The following CTBP1 variants were observed in gnomAD, a reference collection of about 807,000 sequenced individuals.
The protein encoded by CTBP1 is C-terminal binding protein 1.
Under a neutral mutation model 42.1 loss-of-function variants are expected in CTBP1, and 11 were observed. The observed-to-expected ratio is 0.26, with a 90% CI of 0.16 to 0.43. The LOEUF (loss-of-function observed/expected upper bound fraction) is 0.43, where lower values mean the gene tolerates loss of function less well. Ranked by LOEUF, CTBP1 falls within the 20% of genes least tolerant of loss-of-function variation. CTBP1 has a pLI of 1.00. For synonymous variants in CTBP1, 324 were observed against 277.1 expected (o/e 1.17, Z -1.68); for missense variants, 399 against 624.3 (o/e 0.64, Z 3.85).
At chr4:1,215,632 A>G (rs767416917) in intron 6 of CTBP1, 34 of 334,184 alleles carry the variant, frequency 1.0e-4, no homozygotes, top group Non-Finnish European at 1.8e-4. Context: ...TTCCAGCTGC[A>G]GATGTGAAAC....
intron 5 of CTBP1, among the ~76,000 whole-genome samples, chr4:1,219,964 C>T (rs947382671): frequency 5.3e-5 from 8 of 152,172 alleles, no homozygotes; most frequent in Non-Finnish European, 1.2e-4. Flanking sequence ...CCCAACACTT[C>T]GGGAGGCCAA....
intron 1 of CTBP1, chr4:1,244,768 T>G: frequency 1.0e-6 from 1 of 985,432 alleles, no homozygotes; most frequent in Non-Finnish European, 1.2e-6. Context: ...AAAGCTGCCC[T>G]GCCGTGAGTC....
At chr4:1,234,188 G>C (rs1280357748) in intron 3 of CTBP1, among the ~76,000 whole-genome samples, 2 of 152,250 alleles carry the variant, frequency 1.3e-5, no homozygotes, top group Admixed American at 1.3e-4. Context: ...GGCAGCCCCT[G>C]CAGACTCCAC....
intron 6 of CTBP1, chr4:1,215,721 G>A: frequency 3.9e-6 from 2 of 515,492 alleles, no homozygotes; most frequent in Admixed American, 3.5e-5. Context: ...TGTGACAACA[G>A]CAAGGGCTTC....
rs1045784435 is a variant in CTBP1, at chr4:1,224,645, C to T, written c.514+715G>A. On this transcript the variant is annotated intron_variant, in intron 5 of 9. Transcript: ENST00000382952. ...ATGTGTGCTGTGGTGTTGTGTGTGA[C>T]ATCTGTGCAGGCCCTGTGTGCTGTG... Among the ~76,000 whole-genome samples, 2 of 150,036 alleles carry T rather than the reference C, an allele frequency of 1.3e-5. 1 individual carries two copies. The highest frequency in any genetic ancestry group is 4.2e-4 in the South Asian group (2 of 4,756).
intron 1 of CTBP1, among the ~76,000 whole-genome samples, chr4:1,247,699 C>A (rs1330259281): frequency 1.3e-5 from 2 of 149,894 alleles, no homozygotes; most frequent in African/African-American, 4.9e-5. Flanking sequence ...CAGCCGCCAG[C>A]GCCGTTTTCT....
chr4:1,230,007 G>A (rs1016407288), intron 3 of CTBP1, among the ~76,000 whole-genome samples: 5 of 152,154 alleles, frequency 3.3e-5, no homozygotes, highest in Non-Finnish European at 5.9e-5. Context: ...GCATCTACCC[G>A]GACCACAGAG....
At position 1,244,505 on chromosome 4, in the gene CTBP1, C is replaced by T. The variant is rs1732519955; in HGVS notation, c.-188-2986G>A. 4.1e-6 allele frequency: 4 copies of T among 985,132 alleles called. No homozygotes were observed. The South Asian group carries it at 1.4e-4, about 35-fold the overall frequency. The allele number at this position is 985,132 out of a possible 1,614,324, so 61.0% of individuals were successfully genotyped here. A position where few individuals can be genotyped will look rare whatever the true frequency, so the allele number is the denominator to read the frequency against. On this transcript the variant is annotated intron_variant, in intron 1 of 9. Coordinates refer to ENST00000382952, the MANE Select transcript of CTBP1 (RefSeq NM_001012614.2). ...CAGCTACCAACCCTCCACGTCCCTC[C>T]ACTGGCCAGCCCTGCTGGGCCAACC... is the stretch of plus-strand genomic sequence containing the variant.
intron 5 of CTBP1, among the ~76,000 whole-genome samples, chr4:1,223,940 C>T (rs1292336211): frequency 6.6e-6 from 1 of 152,224 alleles, no homozygotes; most frequent in African/African-American, 2.4e-5. Context: ...GGATAGGCGG[C>T]TGCAAAGCGA....
intron 3 of CTBP1, among the ~76,000 whole-genome samples, 181 bp from the exon 4 acceptor site, chr4:1,228,524 C>T (rs1730626243): frequency 1.3e-5 from 2 of 152,240 alleles, no homozygotes; most frequent in Non-Finnish European, 2.9e-5. Context: ...GGCCCCTCAA[C>T]CTCTGCCCAG....
upstream of CTBP1, chr4:1,250,292 G>T (rs1446454045): frequency 4.3e-6 from 1 of 234,572 alleles, no homozygotes; most frequent in East Asian, 9.5e-5. Flanking sequence ...CCTGCCCTGC[G>T]TGCCACGTTC....
In CTBP1 at chr4:1,212,849, G is replaced by A. The variant is rs1398201837; in HGVS notation, c.1106+64C>T. 6.4e-6 allele frequency: 9 copies of A among 1,405,856 alleles called. No individual in the cohort carries two copies. The African/African-American group carries it at 1.3e-4, about 20-fold the overall frequency. 87.1% of individuals were successfully genotyped at this position (1,405,856 alleles called of 1,614,324 possible). On this transcript the variant is annotated intron_variant, in intron 9 of 9. Transcript: ENST00000382952. ...CGCCGCCCCTCCCACCAGGGGCTGT[G>A]CTGGGATCCAGGGGAAGCCTGGGGC...
chr4:1,239,983 C>A (rs1162136101), intron 2 of CTBP1, among the ~76,000 whole-genome samples: 3 of 152,268 alleles, frequency 2.0e-5, no homozygotes, highest in African/African-American at 7.2e-5. Context: ...GTGATGACTT[C>A]TCATGAGCAG....
intron 5 of CTBP1, among the ~76,000 whole-genome samples, 181 bp downstream of exon 5, chr4:1,225,179 G>A (rs562535708): frequency 3.9e-5 from 6 of 152,314 alleles, no homozygotes; most frequent in East Asian, 1.9e-4. Context: ...GTCCGTGCAC[G>A]TAGGGCACAC....
At chr4:1,220,851 C>T (rs1480870442) in intron 5 of CTBP1, among the ~76,000 whole-genome samples, 2 of 152,242 alleles carry the variant, frequency 1.3e-5, no homozygotes, top group Admixed American at 1.3e-4. Context: ...GACCCTGGAC[C>T]TAGAGGTAGA....
At chr4:1,225,961 T>C (rs1730298440) in intron 4 of CTBP1, among the ~76,000 whole-genome samples, 1 of 151,656 alleles carries the variant, frequency 6.6e-6, no homozygotes, top group African/African-American at 2.4e-5. Context: ...TGTGGCCAGG[T>C]CAGAATCTGG....
intron 5 of CTBP1, chr4:1,223,559 G>C: frequency 2.2e-6 from 1 of 451,710 alleles, no homozygotes; most frequent in Non-Finnish European, 4.4e-6. Flanking sequence ...GGGAGTCCCT[G>C]GCATGGCAAG....
intron 3 of CTBP1, among the ~76,000 whole-genome samples, chr4:1,232,522 G>A (rs532263666): frequency 1.3e-5 from 2 of 152,076 alleles, no homozygotes; most frequent in Non-Finnish European, 2.9e-5. Context: ...ATGTTGCCCA[G>A]GCTGGTCTTG....
intron 2 of CTBP1, among the ~76,000 whole-genome samples, chr4:1,241,082 G>A (rs1047378599): frequency 1.3e-5 from 2 of 152,202 alleles, no homozygotes; most frequent in African/African-American, 4.8e-5. Context: ...GACAGAAACA[G>A]ACAGCAGATG....
Sources: gnomAD v4.1 joint callset for allele counts (sites outside exome capture counted in the v4.1 genomes callset) on GRCh38, gnomAD v4.1.1 for gene constraint, MANE v1.5 for transcripts, NCBI Gene and HGNC (gene_info 2026-07-23, HGNC 2026-07-21) for gene names.